Variants in CCDC88C observed in about 807,000 individuals in gnomAD.
CCDC88C encodes the protein protein Daple.
A neutral mutation model predicts 198.8 loss-of-function variants in CCDC88C; 131 were observed. That is an observed-to-expected ratio of 0.66 (90% CI 0.57 to 0.76). CCDC88C has a LOEUF of 0.76. CCDC88C is among the 30% of genes least tolerant of loss of function. The probability of loss-of-function intolerance (pLI) is 0.00; values close to 1 mark genes in which losing one functional copy is unlikely to be tolerated. For missense variants in CCDC88C, 2,553 were observed against 2,631.6 expected, an observed-to-expected ratio of 0.97 and a Z score of 0.65; for synonymous variants, 1,166 against 1,114.7, an observed-to-expected ratio of 1.05 and a Z score of -0.92.
intron 3 of CCDC88C, among the ~76,000 whole-genome samples, chr14:91,388,878 G>C (rs1885309936): frequency 6.6e-6 from 1 of 152,152 alleles, no homozygotes; most frequent in Non-Finnish European, 1.5e-5. Flanking sequence ...CAAGGGAAGG[G>C]CCACAGGCTC....
chr14:91,345,190 A>ATATATATATTTTTTT lies in CCDC88C; in HGVS notation c.341-1534_341-1533insAAAAAAATATATATA, dbSNP rs1246878587. On this transcript the variant is annotated intron_variant, in intron 4 of 29. Coordinates refer to ENST00000389857, the MANE Select transcript of CCDC88C (RefSeq NM_001080414.4). ...TTTATATATATATATATATATATAT[A>ATATATATATTTTTTT]TTTTTTTTTTTTTTTTTTTTGAGAC... is the stretch of plus-strand genomic sequence containing the variant. 2.1e-4 allele frequency among the ~76,000 whole-genome samples: 11 copies of ATATATATATTTTTTT among 52,200 alleles called. 1 individual carries two copies. The East Asian group carries it at 3.4e-3, about 16-fold the overall frequency. The allele number at this position is 52,200 out of a possible 152,430, so 34.2% of individuals were successfully genotyped here. A position where few individuals can be genotyped will look rare whatever the true frequency, so the allele number is the denominator to read the frequency against.
intron 21 of CCDC88C, among the ~76,000 whole-genome samples, chr14:91,297,877 A>G (rs1156807507): frequency 6.6e-6 from 1 of 152,204 alleles, no homozygotes; most frequent in Non-Finnish European, 1.5e-5. Context: ...TTAAACCACT[A>G]AACTAGACCA....
chr14:91,339,375 G>A lies in CCDC88C; in HGVS notation c.712C>T (p.Pro238Ser). The A allele has an allele frequency of 6.2e-7, 1 of 1,613,804 alleles. No individual in the cohort carries two copies. The highest frequency in any genetic ancestry group is 8.5e-7 in the Non-Finnish European group (1 of 1,179,832). The change falls in exon 8 of 30, where the codon CCC (proline) becomes TCC (serine). Residue 238 changes from proline (P) to serine (S), a missense_variant. By Grantham distance (74) the Pro-to-Ser change is moderately conservative. Around this residue, in one of 2 missense-constraint regions of CCDC88C, gnomAD observed 1,260 missense variants for 1,412.0 expected, o/e 0.89. Transcript: ENST00000389857. The surrounding 1 kb of genome is among the most constrained non-coding windows in gnomAD (Gnocchi z 5.8). ...CTAGAGAGGCTGCTGGTGGGGCTGG[G>A]AGTGGAGTCGGCGCTGGAGGACTTG... ...PIKSSSADST[P>S]SPTSSLSSED... is the part of the protein sequence containing the mutation.
chr14:91,300,801 G>A (rs911455244), intron 20 of CCDC88C, among the ~76,000 whole-genome samples: 7 of 152,284 alleles, frequency 4.6e-5, no homozygotes, highest in South Asian at 2.1e-4. Flanking sequence ...CATAGGTCCC[G>A]GCCCCTCCCC....
At chr14:91,401,273 TATTATATATTATATAC>T (rs1886171232) in intron 3 of CCDC88C, among the ~76,000 whole-genome samples, 1 of 144,622 alleles carries the variant, frequency 6.9e-6, no homozygotes, top group East Asian at 2.0e-4. Context: ...ACATTATATA[TATTATATATTATATAC>T]ATTATATATT....
chr14:91,370,985 T>C (rs1894769842), intron 3 of CCDC88C, among the ~76,000 whole-genome samples: 1 of 152,160 alleles, frequency 6.6e-6, no homozygotes, highest in South Asian at 2.1e-4. Context: ...GTCTGCTGAG[T>C]GCATGCCATG....
At position 91,272,637 on chromosome 14, in the gene CCDC88C, G is replaced by A. The variant is rs763686334; in HGVS notation, c.6075C>T (p.Tyr2025=). ...AACCACGAGACAGTCACACACAGCC[G>A]TACTCATACCACACGGTCTGCGGAT... is the stretch of plus-strand genomic sequence containing the variant. The part of the protein sequence containing the change: ...GGDPQTVWYE[Y]GCV The change falls in exon 30 of 30, where the codon TAC becomes TAT. Residue 2025 remains tyrosine (Y), a synonymous_variant. Coordinates refer to ENST00000389857, the MANE Select transcript of CCDC88C (RefSeq NM_001080414.4). 4.7e-5 allele frequency: 76 copies of A among 1,610,288 alleles called. No individual in the cohort carries two copies. The highest frequency in any genetic ancestry group is 3.5e-4 in the Middle Eastern group (2 of 5,694).
chr14:91,315,376 A>T (rs1050456477), intron 14 of CCDC88C, among the ~76,000 whole-genome samples: 2 of 151,674 alleles, frequency 1.3e-5, no homozygotes, highest in Admixed American at 1.3e-4. Flanking sequence ...GCCTCCACCC[A>T]CTCCATGCCA....
chr14:91,366,784 C>T (rs1392253362), intron 3 of CCDC88C, among the ~76,000 whole-genome samples: 1 of 152,214 alleles, frequency 6.6e-6, no homozygotes, highest in Non-Finnish European at 1.5e-5. Flanking sequence ...GGCTGACTCT[C>T]AGGGTATAAG....
chr14:91,404,331 C>G (rs533186757), intron 3 of CCDC88C, among the ~76,000 whole-genome samples: 54 of 152,296 alleles, frequency 3.5e-4, no homozygotes, highest in African/African-American at 1.2e-3. Flanking sequence ...GGCGGTGAGA[C>G]GTGAATCTGG....
intron 4 of CCDC88C, among the ~76,000 whole-genome samples, chr14:91,356,076 A>C (rs961268458): frequency 2.6e-5 from 4 of 152,232 alleles, no homozygotes; most frequent in Admixed American, 2.0e-4. Context: ...GCAACCATAC[A>C]AATTAAAAAA....
intron 3 of CCDC88C, among the ~76,000 whole-genome samples, chr14:91,369,973 T>C (rs1280141023): frequency 6.6e-6 from 1 of 152,226 alleles, no homozygotes; most frequent in Non-Finnish European, 1.5e-5. Context: ...CCTAACTGCC[T>C]GTCCTTGTGG....
rs746057015 is a variant in CCDC88C, at chr14:91,338,617, C to T, written c.810-47G>A. 24 of 1,414,926 alleles carry T rather than the reference C, an allele frequency of 1.7e-5. No individual in the cohort carries two copies. In the African/African-American group the frequency reaches 2.6e-4, roughly 15 times the overall value. The allele number at this position is 1,414,926 out of a possible 1,614,324, so 87.6% of individuals were successfully genotyped here. A position where few individuals can be genotyped will look rare whatever the true frequency, so the allele number is the denominator to read the frequency against. Reference sequence around the variant, plus strand: ...AGAGTGTGGGAGGCAGCTTCCTCAACAAGCAGCCCTGGGAGCAGGCTGCCA... The same window carrying T: ...AGAGTGTGGGAGGCAGCTTCCTCAATAAGCAGCCCTGGGAGCAGGCTGCCA... On this transcript the variant is annotated intron_variant, in intron 8 of 29. Transcript: ENST00000389857. The surrounding 1 kb of genome is among the most constrained non-coding windows in gnomAD (Gnocchi z 4.8).
intron 4 of CCDC88C, among the ~76,000 whole-genome samples, chr14:91,355,267 CACG>C (rs780077923): frequency 6.6e-6 from 1 of 152,136 alleles, no homozygotes; most frequent in Non-Finnish European, 1.5e-5. Flanking sequence ...ACAGCGCAGA[CACG>C]GGTAAGAGGG....
chr14:91,314,043 C>T lies in CCDC88C; in HGVS notation c.1773G>A (p.Glu591=), dbSNP rs7160325. 7.7e-3 allele frequency: 12,381 copies of T among 1,613,864 alleles called. 151 individuals are homozygous for T. The highest frequency in any genetic ancestry group is 0.055 in the African/African-American group (4,154 of 74,976). Residue 591 remains glutamate, a synonymous_variant, in exon 15 of 30, where the codon GAG becomes GAA. Coordinates refer to ENST00000389857, the MANE Select transcript of CCDC88C (RefSeq NM_001080414.4). ...TCACCGTCTGGTGGAGGGCTTTGTT[C>T]TCCTTCTCCACGTCTTTCATGCGGG... ...SEARMKDVEK[E]NKALHQTVTE... is the part of the protein sequence containing the mutation.
rs1890495554 is a variant in CCDC88C at position 91,288,138 on chromosome 14, A to C, written c.4441+967T>G. Among the ~76,000 whole-genome samples the C allele has an allele frequency of 6.6e-6, 1 of 152,230 alleles. No homozygotes were observed. Among genetic ancestry groups the C allele is most frequent in the Non-Finnish European group, 1.5e-5 (1 of 68,036 alleles). On this transcript the variant is annotated intron_variant, in intron 25 of 29. Coordinates refer to ENST00000389857, the MANE Select transcript of CCDC88C (RefSeq NM_001080414.4). The surrounding 1 kb of genome is among the most constrained non-coding windows in gnomAD (Gnocchi z 4.2). ...GAAAAGCTCTTTCAACAAGAGCGTA[A>C]GAAAAATTCGAAGTGGTGGCCCTGT...
At chr14:91,293,484 A>C (rs1890817329) in intron 23 of CCDC88C, among the ~76,000 whole-genome samples, 1 of 111,380 alleles carries the variant, frequency 9.0e-6, no homozygotes, top group Non-Finnish European at 1.9e-5. Flanking sequence ...GCCACAGCTC[A>C]CCTTCCCATC....
At chr14:91,281,641 G>T in intron 26 of CCDC88C, 116 bp from the exon 27 acceptor site, 1 of 855,022 alleles carries the variant, frequency 1.2e-6, no homozygotes, top group Non-Finnish European at 1.9e-6. Context: ...GGGGATGAGG[G>T]AATGGCATGC....
At position 91,371,174 on chromosome 14, in the gene CCDC88C, G is replaced by A. The variant is rs568071998; in HGVS notation, c.271-11463C>T. On this transcript the variant is annotated intron_variant, in intron 3 of 29. Coordinates refer to ENST00000389857, the MANE Select transcript of CCDC88C (RefSeq NM_001080414.4). This position sits in a 1 kb window ranked among gnomAD's most constrained non-coding sequence, Gnocchi z 4.2. ...CAGCATCGGTGCTCCAGTGCTTGGA[G>A]TTGATATAAGGGCCCTGATTTTATG... Among the ~76,000 whole-genome samples, 1 of 152,076 alleles carries A rather than the reference G, an allele frequency of 6.6e-6. No homozygotes were observed. The highest frequency in any genetic ancestry group is 1.9e-4 in the East Asian group (1 of 5,184).
Sources: allele counts gnomAD v4.1 joint callset (sites outside exome capture counted in the v4.1 genomes callset), GRCh38; gene constraint gnomAD v4.1.1; regional missense constraint gnomAD v4.1.1; non-coding constraint Gnocchi (gnomAD v3.1); transcripts MANE v1.5; gene names NCBI Gene and HGNC (gene_info 2026-07-23, HGNC 2026-07-21).